The following PC variants were observed in gnomAD, a reference collection of about 807,000 sequenced individuals.
The protein encoded by PC is pyruvate carboxylase, also known as pyruvate carboxylase, mitochondrial.
Under a neutral mutation model 107.8 loss-of-function variants are expected in PC, and 46 were observed. The observed-to-expected ratio is 0.43, with a 90% confidence interval of 0.34 to 0.55. The LOEUF (loss-of-function observed/expected upper bound fraction) is 0.55. Ranked by LOEUF, PC falls within the 20% of genes least tolerant of loss-of-function variation. The pLI is 0.04. For synonymous variants in PC, 662 were observed against 684.7 expected (o/e 0.97, Z 0.52); for missense variants, 1,241 against 1,643.1 (o/e 0.76, Z 4.23).
chr11:66,934,202 T>C (rs1948937423), intron 3 of PC, among the ~76,000 whole-genome samples: 1 of 152,106 alleles, frequency 6.6e-6, no homozygotes, highest in African/African-American at 2.4e-5. Context: ...AGTCCCCTCA[T>C]CTTGCAGGGC....
At chr11:66,869,493 G>T (rs896379138) in intron 9 of PC, among the ~76,000 whole-genome samples, 1 of 151,946 alleles carries the variant, frequency 6.6e-6, no homozygotes, top group African/African-American at 2.4e-5. Flanking sequence ...TTCACTTTTG[G>T]TCTCACCAAA....
At position 66,848,670 on chromosome 11, in the gene PC, G is replaced by C; in HGVS notation, c.*229C>G. 1.6e-6 allele frequency: 1 copy of C among 630,702 alleles called. No homozygotes were observed. The highest frequency in any genetic ancestry group is 2.8e-6 in the Non-Finnish European group (1 of 356,330). 39.1% of individuals were successfully genotyped at this position (630,702 alleles called of 1,614,324 possible). A position where few individuals can be genotyped will look rare whatever the true frequency, so the allele number is the denominator to read the frequency against. On this transcript the variant is annotated 3_prime_UTR_variant, in exon 23 of 23. Coordinates refer to ENST00000393960, the MANE Select transcript of PC (RefSeq NM_001040716.2). Reference sequence around the variant, plus strand: ...CCACTTGTAGTCTCCAGTGAGGAGGGGACCCTTATTTGGCAAGAGATGAAC... The same window carrying C: ...CCACTTGTAGTCTCCAGTGAGGAGGCGACCCTTATTTGGCAAGAGATGAAC...
chr11:66,952,128 C>T (rs1384288661), intron 3 of PC, among the ~76,000 whole-genome samples: 3 of 152,172 alleles, frequency 2.0e-5, no homozygotes, highest in African/African-American at 7.2e-5. Flanking sequence ...GGCCCAGCCC[C>T]AGGGATTCTT....
chr11:66,854,037 C>T (rs1178576592), intron 12 of PC, among the ~76,000 whole-genome samples: 3 of 152,266 alleles, frequency 2.0e-5, no homozygotes, highest in East Asian at 3.8e-4. Context: ...TGCCTATGCA[C>T]CCAGTCCTCC....
chr11:66,865,943 C>CT (rs1435612926), intron 11 of PC, among the ~76,000 whole-genome samples: 1 of 152,214 alleles, frequency 6.6e-6, no homozygotes, highest in East Asian at 1.9e-4. Flanking sequence ...CCAAGCCAGC[C>CT]TGCTCCCCGC....
rs544697193 is a variant in PC, at chr11:66,859,207, C to T, written c.1368+4567G>A. On this transcript the variant is annotated intron_variant, in intron 12 of 22. Transcript: ENST00000393960. ...CTCTCTGGGGCTGACACCCCCTCCCCGACCATGGCTGCTGGACTCTTGGAG... is the reference window on the plus strand; with the variant it reads ...CTCTCTGGGGCTGACACCCCCTCCCTGACCATGGCTGCTGGACTCTTGGAG... 5.8e-5 allele frequency: 76 copies of T among 1,302,522 alleles called. No homozygotes were observed. In the South Asian group the frequency reaches 7.2e-4, roughly 12 times the overall value. 80.7% of individuals were successfully genotyped at this position (1,302,522 alleles called of 1,614,324 possible). A position where few individuals can be genotyped will look rare whatever the true frequency, so the allele number is the denominator to read the frequency against.
intron 12 of PC, among the ~76,000 whole-genome samples, chr11:66,855,786 C>T (rs776008756): frequency 7.9e-5 from 12 of 152,200 alleles, no homozygotes; most frequent in Non-Finnish European, 1.6e-4. Flanking sequence ...CCTCCCCTCT[C>T]GCCCCTAGGA....
At chr11:66,909,575 C>T (rs1948276284) in intron 3 of PC, among the ~76,000 whole-genome samples, 1 of 152,148 alleles carries the variant, frequency 6.6e-6, no homozygotes, top group South Asian at 2.1e-4. Context: ...TTTGGTCCAG[C>T]GCAGCCTGCC....
intron 13 of PC, chr11:66,853,037 T>C: frequency 1.4e-6 from 1 of 696,520 alleles, no homozygotes; most frequent in East Asian, 2.7e-5. Context: ...GATGGAAAGG[T>C]GGGGTCTCTC....
At chr11:66,916,685 T>G (rs1156380993) in intron 3 of PC, among the ~76,000 whole-genome samples, 2 of 151,888 alleles carry the variant, frequency 1.3e-5, no homozygotes, top group African/African-American at 4.8e-5. Context: ...CCGGGTGTGG[T>G]GGCTCATGCC....
intron 3 of PC, among the ~76,000 whole-genome samples, chr11:66,884,693 G>A (rs140717361): frequency 2.1e-3 from 314 of 152,282 alleles, no homozygotes; most frequent in African/African-American, 7.2e-3. Context: ...TGGACTTCCA[G>A]CCTCCATAAC....
intron 3 of PC, among the ~76,000 whole-genome samples, chr11:66,876,350 T>C (rs1946977108): frequency 6.6e-6 from 1 of 152,158 alleles, no homozygotes; most frequent in Admixed American, 6.5e-5. Flanking sequence ...ACGGGAACAA[T>C]GAAGCAAATG....
rs377708277 is a variant in PC, at chr11:66,850,810, G to A, written c.2337C>T (p.Gly779=). Residue 779 remains glycine, a synonymous_variant, in exon 18 of 23, where the codon GGC becomes GGT. Transcript: ENST00000393960. ...HIHTHDTSGA[G]VAAMLACAQA... The stretch of plus-strand genomic sequence containing the variant: ...GGGCACAGGCCAGCATGGCTGCCAC[G>A]CCTGCCCCTGACGTGTCGTGGGTGT... 9 of 1,611,920 alleles carry A rather than the reference G, an allele frequency of 5.6e-6. No homozygotes were observed. Among genetic ancestry groups the A allele is most frequent in the Admixed American group, 1.7e-5 (1 of 60,030 alleles).
chr11:66,882,625 C>T (rs903259301), intron 3 of PC, among the ~76,000 whole-genome samples: 12 of 152,270 alleles, frequency 7.9e-5, no homozygotes, highest in African/African-American at 2.7e-4. Context: ...CTGCCCCCAG[C>T]ACCAGCACCC....
intron 12 of PC, chr11:66,860,468 A>C: frequency 1.4e-6 from 1 of 703,084 alleles, no homozygotes; most frequent in South Asian, 1.5e-5. Flanking sequence ...ATTGTTGGGG[A>C]CACCTCAGTG....
chr11:66,937,879 C>T (rs1008750846), intron 3 of PC, among the ~76,000 whole-genome samples: 8 of 151,366 alleles, frequency 5.3e-5, no homozygotes, highest in East Asian at 1.9e-4. Context: ...CAGGTTCAAG[C>T]GATTCTCCTG....
chr11:66,866,368 AGGG>A lies in PC; in HGVS notation c.1023-22_1023-20del. On this transcript the variant is annotated intron_variant, in intron 10 of 22. Coordinates refer to ENST00000393960, the MANE Select transcript of PC (RefSeq NM_001040716.2). This position sits in a 1 kb window ranked among gnomAD's most constrained non-coding sequence, Gnocchi z 5.4. The stretch of plus-strand genomic sequence containing the variant: ...GTCTACGCTGTAGGGCATTGGGGGG[AGGG>A]GGGAAAGGACGGGAGAAAGGGGGAA... The A allele has an allele frequency of 9.1e-7, 1 of 1,104,094 alleles. No individual in the cohort carries two copies. The highest frequency in any genetic ancestry group is 1.2e-6 in the Non-Finnish European group (1 of 827,598). 68.4% of individuals were successfully genotyped at this position (1,104,094 alleles called of 1,614,324 possible). A position where few individuals can be genotyped will look rare whatever the true frequency, so the allele number is the denominator to read the frequency against.
At position 66,870,367 on chromosome 11, in the gene PC, C is replaced by T. The variant is rs752585997; in HGVS notation, c.838G>A (p.Ala280Thr). Residue 280 changes from alanine to threonine, a missense_variant, in exon 9 of 23, where the codon GCC (alanine) becomes ACC (threonine). Ala to Thr is a moderately conservative substitution (Grantham distance 58). This residue lies in a region of PC where 1,143 missense variants were observed against 1,551.9 expected (regional missense o/e 0.74). Transcript: ENST00000393960. This position sits in a 1 kb window ranked among gnomAD's most constrained non-coding sequence, Gnocchi z 6.1. ...CGAAGCTGCGGGTCCAGGTGGGCGG[C>T]GGGGGCAATCTCGACCACCTTCTGG... ...RHQKVVEIAP[A>T]AHLDPQLRTR... is the part of the protein sequence containing the mutation. The T allele has an allele frequency of 3.5e-5, 56 of 1,613,528 alleles. No individual in the cohort carries two copies. The South Asian group carries it at 5.0e-4, about 15-fold the overall frequency.
At position 66,852,632 on chromosome 11, in the gene PC, G is replaced by T. The variant is rs1468315092; in HGVS notation, c.1632C>A (p.Ile544=). Residue 544 remains isoleucine (I), a synonymous_variant, in exon 15 of 23, where the codon ATC becomes ATA. Coordinates refer to ENST00000393960, the MANE Select transcript of PC (RefSeq NM_001040716.2). This position sits in a 1 kb window ranked among gnomAD's most constrained non-coding sequence, Gnocchi z 4.7. ...IGPPPAGFRD[I]LLREGPEGFA... is the part of the protein sequence containing the mutation. ...AGCCCTCAGGCCCCTCTCGCAGCAG[G>T]ATGTCTCTGAAACCAGCCGGGGGCG... 6.2e-7 allele frequency: 1 copy of T among 1,613,724 alleles called. No homozygotes were observed. Among genetic ancestry groups the T allele is most frequent in the Admixed American group, 1.7e-5 (1 of 59,998 alleles).
Sources: gnomAD v4.1 joint callset for allele counts (sites outside exome capture counted in the v4.1 genomes callset) on GRCh38, gnomAD v4.1.1 for gene constraint, gnomAD v4.1.1 regional missense constraint, Gnocchi (gnomAD v3.1) non-coding constraint, MANE v1.5 for transcripts, NCBI Gene and HGNC (gene_info 2026-07-23, HGNC 2026-07-21) for gene names.